Variants in NLRP11 observed in about 807,000 individuals in gnomAD.
The protein encoded by NLRP11 is NACHT, LRR and PYD domains-containing protein 11.
A neutral mutation model predicts 79.3 loss-of-function variants in NLRP11; 53 were observed. The ratio of observed to expected loss-of-function variants is 0.67; its 90% CI spans 0.54 to 0.84. NLRP11 has a LOEUF of 0.84. Ranked by LOEUF, NLRP11 falls within the 40% of genes least tolerant of loss-of-function variation. The pLI is 0.00. For synonymous variants in NLRP11, 518 were observed against 462.6 expected, an observed-to-expected ratio of 1.12 and a Z score of -1.54; for missense variants, 1,264 against 1,255.0, an observed-to-expected ratio of 1.01 and a Z score of -0.11.
At chr19:55,796,210 T>C (rs1181230327) in exon 6 of NLRP11, 2 of 1,613,984 alleles carry the variant, frequency 1.2e-6, no homozygotes. Context: ...AGAGAGGCGA[T>C]TTCTTCACAT....
At chr19:55,823,169 G>T (rs1218577052) in intron 1 of NLRP11, among the ~76,000 whole-genome samples, 2 of 146,080 alleles carry the variant, frequency 1.4e-5, no homozygotes, top group Non-Finnish European at 3.0e-5. Context: ...ACCTCACACG[G>T]CAGGGTATTC....
chr19:55,794,621 G>T (rs924111476), intron 6 of NLRP11, among the ~76,000 whole-genome samples: 1 of 152,214 alleles, frequency 6.6e-6, no homozygotes, highest in East Asian at 1.9e-4. Flanking sequence ...TTAGCCAGGC[G>T]TGGTGGCGGG....
At chr19:55,836,235 A>C (rs1414693550), upstream of NLRP11, 2 of 152,212 alleles carry the variant, frequency 1.3e-5, no homozygotes, top group Non-Finnish European at 2.9e-5. Flanking sequence ...TTAGACATTT[A>C]AATTATAAAC....
chr19:55,788,007 A>G (rs754636955), intron 9 of NLRP11, among the ~76,000 whole-genome samples: 1 of 152,304 alleles, frequency 6.6e-6, no homozygotes, highest in African/African-American at 2.4e-5. Context: ...AGGACGACCA[A>G]CTAAGCTGGG....
At chr19:55,816,147 G>C in intron 2 of NLRP11, among the ~76,000 whole-genome samples, 1 of 152,196 alleles carries the variant, frequency 6.6e-6, no homozygotes, top group East Asian at 1.9e-4. Flanking sequence ...TTCTAAAGAA[G>C]ATCTACTGTT....
chr19:55,788,687 C>G lies in NLRP11; in HGVS notation c.2855+120G>C, dbSNP rs992924185. The G allele has an allele frequency of 1.2e-5, 8 of 683,298 alleles. No homozygotes were observed. The African/African-American group carries it at 1.7e-4, about 15-fold the overall frequency. 42.3% of individuals were successfully genotyped at this position (683,298 alleles called of 1,614,324 possible). ...GCTGGGAGGCTGATGTTGCAATGAGCCAAGATCACGCCACTGCACTCCAGC... is the reference window on the plus strand; with the variant it reads ...GCTGGGAGGCTGATGTTGCAATGAGGCAAGATCACGCCACTGCACTCCAGC... On this transcript the variant is annotated intron_variant, in intron 9 of 9. Transcript: ENST00000589093.
In NLRP11 at chr19:55,811,532, C is replaced by G. The variant is rs139721470; in HGVS notation, c.272-1194G>C. Among the ~76,000 whole-genome samples the G allele has an allele frequency of 5.4e-3, 818 of 152,240 alleles. 1 individual carries two copies. Among genetic ancestry groups the G allele is most frequent in the Middle Eastern group, 0.02 (6 of 294 alleles). Reference sequence around the variant, plus strand: ...CTGGAATGTGGCACACTGGCTCCCCCCCAGTGGAGATGAGCCTGATGGATC... The same window carrying G: ...CTGGAATGTGGCACACTGGCTCCCCGCCAGTGGAGATGAGCCTGATGGATC... On this transcript the variant is annotated intron_variant, in intron 2 of 9. Coordinates refer to ENST00000589093, the Ensembl canonical transcript of NLRP11.
upstream of NLRP11, among the ~76,000 whole-genome samples, chr19:55,832,501 C>T (rs1014733089): frequency 6.6e-6 from 1 of 152,146 alleles, no homozygotes; most frequent in Non-Finnish European, 1.5e-5. Context: ...CCGGGGGGCC[C>T]GTCTTGGCTG....
chr19:55,821,189 G>GCTCT (rs146995362), intron 1 of NLRP11, among the ~76,000 whole-genome samples: 20 of 140,576 alleles, frequency 1.4e-4, no homozygotes, highest in African/African-American at 3.5e-4. Context: ...TATGTGACCA[G>GCTCT]CTCTCTCTCT....
exon 3 of NLRP11, chr19:55,810,011 G>C (rs750169436): frequency 4.3e-6 from 7 of 1,614,086 alleles, no homozygotes; most frequent in Non-Finnish European, 2.5e-6. Context: ...GATTAGCTCA[G>C]CCAAGCTGCT....
At chr19:55,801,619 A>T (rs746710295) in exon 5 of NLRP11, 2 of 1,614,164 alleles carry the variant, frequency 1.2e-6, no homozygotes, top group Non-Finnish European at 1.7e-6. Flanking sequence ...TGTCATGCAG[A>T]AGTGAAAACA....
chr19:55,807,916 C>T (rs867936776), exon 4 of NLRP11: 1 of 1,612,256 alleles, frequency 6.2e-7, no homozygotes, highest in Non-Finnish European at 8.5e-7. Flanking sequence ...TTCTGAAATA[C>T]CATTAAGGTC....
intron 9 of NLRP11, among the ~76,000 whole-genome samples, chr19:55,788,516 A>G (rs10406646): frequency 0.53 from 79,673 of 151,228 alleles, 22,623 homozygotes; most frequent in African/African-American, 0.74. Flanking sequence ...CAAGGTGGAC[A>G]GATCATGAGG....
At chr19:55,814,079 C>T (rs1445729804) in intron 2 of NLRP11, among the ~76,000 whole-genome samples, 6 of 152,194 alleles carry the variant, frequency 3.9e-5, no homozygotes, top group East Asian at 1.9e-4. Flanking sequence ...TATTTACAGC[C>T]GCTCCCCATC....
exon 4 of NLRP11, chr19:55,807,886 A>T: frequency 6.2e-7 from 1 of 1,612,914 alleles, no homozygotes; most frequent in Admixed American, 1.7e-5. Context: ...AGAATGCTCC[A>T]GGGCTTTAGA....
chr19:55,820,317 C>T (rs1400351339), intron 1 of NLRP11, among the ~76,000 whole-genome samples: 1 of 152,048 alleles, frequency 6.6e-6, no homozygotes, highest in Non-Finnish European at 1.5e-5. Context: ...ACTTTGGCAG[C>T]CTAGAGCTCA....
At position 55,808,019 on chromosome 19, in the gene NLRP11, A is replaced by G; in HGVS notation, c.1842-5T>C. 1.9e-6 allele frequency: 3 copies of G among 1,570,846 alleles called. No individual in the cohort carries two copies. The highest frequency in any genetic ancestry group is 1.7e-6 in the Non-Finnish European group (2 of 1,160,448). Reference sequence around the variant, plus strand: ...TAGACAAGGCTCTTCATTTGACTACATAGAAGAAAAATTGAGTTTTCCAAT... The same window carrying G: ...TAGACAAGGCTCTTCATTTGACTACGTAGAAGAAAAATTGAGTTTTCCAAT... On this transcript the variant is annotated splice_polypyrimidine_tract_variant and splice_region_variant and intron_variant, in intron 3 of 9. Transcript: ENST00000589093.
chr19:55,788,054 T>C (rs1237506027), intron 9 of NLRP11, among the ~76,000 whole-genome samples: 2 of 152,202 alleles, frequency 1.3e-5, no homozygotes, highest in South Asian at 4.1e-4. Context: ...TGTAAGATAG[T>C]GTGTCATTGA....
At chr19:55,789,073 A>C in intron 8 of NLRP11, 96 bp from the exon 9 acceptor site, 1 of 1,470,042 alleles carries the variant, frequency 6.8e-7, no homozygotes, top group Non-Finnish European at 9.4e-7. Flanking sequence ...GATCCCTCCA[A>C]GTTTTGGGCA....
Sources: gnomAD v4.1 joint callset for allele counts (sites outside exome capture counted in the v4.1 genomes callset) on GRCh38, gnomAD v4.1.1 for gene constraint, MANE v1.5 for transcripts, NCBI Gene and HGNC (gene_info 2026-07-23, HGNC 2026-07-21) for gene names.